EIF3G: variants seen among roughly 807,000 people sequenced by gnomAD.
EIF3G encodes eukaryotic translation initiation factor 3 RNA-binding subunit.
EIF3G carries 10 observed loss-of-function variants against 41.7 expected under a neutral mutation model. The observed-to-expected ratio is 0.24, with a 90% CI of 0.15 to 0.41. The LOEUF (loss-of-function observed/expected upper bound fraction) is 0.41. Among genes scored for constraint, EIF3G ranks in the 10% least tolerant of loss-of-function variants. The pLI is 1.00. For missense variants in EIF3G, 297 were observed against 444.0 expected (o/e 0.67, Z 2.98); for synonymous variants, 204 against 172.5 (o/e 1.18, Z -1.43).
chr19:10,118,847 C>A (rs369348499), intron 4 of EIF3G, 21 bp downstream of exon 4: 7 of 1,610,612 alleles, frequency 4.3e-6, no homozygotes, highest in Non-Finnish European at 5.9e-6. Context: ...GGTCCCCACT[C>A]CCTGCACCCC....
At position 10,115,615 on chromosome 19, in the gene EIF3G, G is replaced by A. The variant is rs755719856; in HGVS notation, c.841-30C>T. 57 of 1,611,098 alleles carry A rather than the reference G, an allele frequency of 3.5e-5. No individual in the cohort carries two copies. In the East Asian group the frequency reaches 4.0e-4, roughly 11 times the overall value. ...GGAGGGGCGGGATGGGGTCGGGCAC[G>A]AGCTAGGACAGGCGACCCTAGGACA... On this transcript the variant is annotated intron_variant, in intron 9 of 10. Coordinates refer to ENST00000253108, the MANE Select transcript of EIF3G (RefSeq NM_003755.5).
At chr19:10,119,737 C>T in intron 1 of EIF3G, 37 bp from the exon 2 acceptor site, 1 of 1,612,608 alleles carries the variant, frequency 6.2e-7, no homozygotes, top group South Asian at 1.1e-5. Context: ...AAGATTAAGT[C>T]AGCCAGGCCC....
At chr19:10,119,312 C>T in intron 2 of EIF3G, 141 bp from the exon 3 acceptor site, 2 of 968,810 alleles carry the variant, frequency 2.1e-6, no homozygotes, top group Non-Finnish European at 3.2e-6. Context: ...AGGCAACGCA[C>T]TGGGATGGCC....
rs112076821 is a variant in EIF3G at position 10,115,823 on chromosome 19, G to A, written c.704-3C>T. ...ACGGATGGTGGCGTTGTCGTCGGCT[G>A]TGTGGGAGAGGGGAGGTGGCTGTGA... On this transcript the variant is annotated splice_polypyrimidine_tract_variant and splice_region_variant and intron_variant, in intron 8 of 10. Transcript: ENST00000253108. The A allele has an allele frequency of 1.2e-6, 2 of 1,611,706 alleles. No homozygotes were observed. Among genetic ancestry groups the A allele is most frequent in the African/African-American group, 2.7e-5 (2 of 74,952 alleles).
In EIF3G at chr19:10,116,485, A is replaced by G. The variant is rs2089252451; in HGVS notation, c.595+315T>C. ...CAAAGAATTCGGACGGTACAGCCAC[A>G]GGCATGCAACGGAGACACTATACAC... On this transcript the variant is annotated intron_variant, in intron 7 of 10. Transcript: ENST00000253108. The surrounding 1 kb of genome is among the most constrained non-coding windows in gnomAD (Gnocchi z 4.1). 2.0e-6 allele frequency: 1 copy of G among 488,116 alleles called. No individual in the cohort carries two copies. Among genetic ancestry groups the G allele is most frequent in the Non-Finnish European group, 3.7e-6 (1 of 271,606 alleles). 30.2% of individuals were successfully genotyped at this position (488,116 alleles called of 1,614,324 possible). A position where few individuals can be genotyped will look rare whatever the true frequency, so the allele number is the denominator to read the frequency against.
At position 10,118,888 on chromosome 19, in the gene EIF3G, C is replaced by T. The variant is rs755089151; in HGVS notation, c.220G>A (p.Glu74Lys). The T allele has an allele frequency of 1.9e-6, 3 of 1,614,094 alleles. No homozygotes were observed. Among genetic ancestry groups the T allele is most frequent in the East Asian group, 2.2e-5 (1 of 44,862 alleles). ...CTCACCTTGAACTTCTTGCCATCCT[C>T]ATCTATCTTGTACTCTGTCACTGTC... ...IKTVTEYKID[E>K]DGKKFKIVRT... The change falls in exon 4 of 11, where the codon GAG (glutamate) becomes AAG (lysine). Residue 74 changes from glutamate (E) to lysine (K), a missense_variant. By Grantham distance (56) the Glu-to-Lys change is moderately conservative. Around this residue, in one of 4 missense-constraint regions of EIF3G, gnomAD observed 147 missense variants for 162.4 expected, o/e 0.91. Transcript: ENST00000253108.
rs561764575 is a variant in EIF3G at position 10,116,844 on chromosome 19, T to G, written c.551A>C (p.Glu184Ala). ...TLGPMQKELA[E>A]QLGLSTGEKE... is the part of the protein sequence containing the mutation. The stretch of plus-strand genomic sequence containing the variant: ...CTCGCCAGTAGACAGGCCCAGCTGC[T>G]CGGCCAGCTCCTTCTGCATGGGCCC... Residue 184 changes from glutamate to alanine, a missense_variant, in exon 7 of 11, where the codon GAG (glutamate) becomes GCG (alanine). By Grantham distance (107) the Glu-to-Ala change is moderately radical (BLOSUM62 -1). Transcript: ENST00000253108. The surrounding 1 kb of genome is among the most constrained non-coding windows in gnomAD (Gnocchi z 4.1). 6.2e-7 allele frequency: 1 copy of G among 1,610,148 alleles called. No individual in the cohort carries two copies. The highest frequency in any genetic ancestry group is 2.2e-5 in the East Asian group (1 of 44,778).
At chr19:10,119,030 G>C in intron 3 of EIF3G, 58 bp downstream of exon 3, 1 of 1,610,752 alleles carries the variant, frequency 6.2e-7, no homozygotes, top group Non-Finnish European at 8.5e-7. Context: ...GCTGGAGGGA[G>C]AGGCAGCCCG....
rs370607828 is a variant in EIF3G, at chr19:10,116,031, A to G, written c.639T>C (p.Tyr213=). The change falls in exon 8 of 11, where the codon TAT becomes TAC. Residue 213 remains tyrosine, a synonymous_variant. Transcript: ENST00000253108. This position sits in a 1 kb window ranked among gnomAD's most constrained non-coding sequence, Gnocchi z 4.1. Reference sequence around the variant, plus strand: ...CCCCGTCGCGCAGGCTCGGCGGCACATACTTCCCTGTCTTGTTCTGCGTGG... The same window carrying G: ...CCCCGTCGCGCAGGCTCGGCGGCACGTACTTCCCTGTCTTGTTCTGCGTGG... ...VQATQNKTGK[Y]VPPSLRDGAS... is the part of the protein sequence containing the mutation. The G allele has an allele frequency of 9.9e-6, 16 of 1,613,816 alleles. No homozygotes were observed. In the East Asian group the frequency reaches 1.3e-4, roughly 13 times the overall value.
chr19:10,119,880 C>G lies in EIF3G; in HGVS notation c.-21G>C, dbSNP rs780080370. The G allele has an allele frequency of 3.1e-6, 5 of 1,614,118 alleles. No homozygotes were observed. In the South Asian group the frequency reaches 4.4e-5, roughly 14 times the overall value. On this transcript the variant is annotated 5_prime_UTR_variant, in exon 1 of 11. Transcript: ENST00000253108. The stretch of plus-strand genomic sequence containing the variant: ...GGCATCGCAAAAAGTATTCTCCACG[C>G]AGCCCAAGCCCGGCCAGAGAGCGGA...
rs1490833437 is a variant in EIF3G at position 10,118,650 on chromosome 19, G to T, written c.300+18C>A. Reference sequence around the variant, plus strand: ...TTTCCAATTCCTCTAGGTTAGCCCTGGGGAAGAAGAGCCTCACCTTCCTCC... The same window carrying T: ...TTTCCAATTCCTCTAGGTTAGCCCTTGGGAAGAAGAGCCTCACCTTCCTCC... On this transcript the variant is annotated intron_variant, in intron 5 of 10. Transcript: ENST00000253108. 1 of 1,613,714 alleles carries T rather than the reference G, an allele frequency of 6.2e-7. No individual in the cohort carries two copies. The highest frequency in any genetic ancestry group is 8.5e-7 in the Non-Finnish European group (1 of 1,179,838).
At chr19:10,117,559 G>A (rs1013909913) in intron 5 of EIF3G, 10 of 224,404 alleles carry the variant, frequency 4.5e-5, no homozygotes, top group Non-Finnish European at 7.8e-5. Context: ...TATAAAACGG[G>A]AACCACAAAA....
rs757386242 is a variant in EIF3G at position 10,115,830 on chromosome 19, A to G, written c.704-10T>C. The G allele has an allele frequency of 1.9e-6, 3 of 1,610,928 alleles. No homozygotes were observed. Among genetic ancestry groups the G allele is most frequent in the Admixed American group, 1.7e-5 (1 of 59,992 alleles). ...GTGGCGTTGTCGTCGGCTGTGTGGG[A>G]GAGGGGAGGTGGCTGTGAGGGGGAG... is the stretch of plus-strand genomic sequence containing the variant. On this transcript the variant is annotated splice_polypyrimidine_tract_variant and intron_variant, in intron 8 of 10. Transcript: ENST00000253108.
chr19:10,115,647 C>G (rs763113798), intron 9 of EIF3G, 37 bp downstream of exon 9: 1 of 1,606,306 alleles, frequency 6.2e-7, no homozygotes, highest in South Asian at 1.1e-5. Context: ...GACAAGTGAC[C>G]CTCACACAGC....
Position 10,116,401 on chromosome 19 carries a change from C to A in EIF3G, c.596-327G>T. On this transcript the variant is annotated intron_variant, in intron 7 of 10. Transcript: ENST00000253108. This position sits in a 1 kb window ranked among gnomAD's most constrained non-coding sequence, Gnocchi z 4.1. The stretch of plus-strand genomic sequence containing the variant: ...ACAGGAACAGCGCCCAGGTCCCCCT[C>A]GCGTGGCAGGCGACAAGTGCACGTC... The A allele has an allele frequency of 2.0e-6, 1 of 502,916 alleles. No homozygotes were observed. The highest frequency in any genetic ancestry group is 3.5e-5 in the East Asian group (1 of 28,760). The allele number at this position is 502,916 out of a possible 1,614,324, so 31.2% of individuals were successfully genotyped here.
intron 10 of EIF3G, 133 bp downstream of exon 10, chr19:10,115,346 C>CT (rs1568493910): frequency 8.3e-7 from 1 of 1,203,068 alleles, no homozygotes; most frequent in African/African-American, 1.5e-5. Flanking sequence ...TGGAAAAAAA[C>CT]AATAAAGGAC....
chr19:10,118,623 G>A (rs1294474056), intron 5 of EIF3G, 45 bp downstream of exon 5: 1 of 1,599,724 alleles, frequency 6.3e-7, no homozygotes, highest in African/African-American at 1.3e-5. Flanking sequence ...CGGGAGCACG[G>A]TTTTCCAATT....
At chr19:10,117,824 G>A (rs533733789) in intron 5 of EIF3G, among the ~76,000 whole-genome samples, 1 of 152,348 alleles carries the variant, frequency 6.6e-6, no homozygotes, top group South Asian at 2.1e-4. Flanking sequence ...GAGAGGCGAA[G>A]GTGGGAGATC....
chr19:10,119,028 G>A (rs753284253), intron 3 of EIF3G, 60 bp downstream of exon 3: 15 of 1,611,514 alleles, frequency 9.3e-6, no homozygotes, highest in Admixed American at 1.7e-5. Context: ...GGGCTGGAGG[G>A]AGAGGCAGCC....
Sources: allele counts gnomAD v4.1 joint callset (sites outside exome capture counted in the v4.1 genomes callset), GRCh38; gene constraint gnomAD v4.1.1; regional missense constraint gnomAD v4.1.1; non-coding constraint Gnocchi (gnomAD v3.1); transcripts MANE v1.5; gene names NCBI Gene and HGNC (gene_info 2026-07-23, HGNC 2026-07-21).